ARID2: variants seen among roughly 807,000 people sequenced by gnomAD.
ARID2 encodes AT-rich interaction domain 2.
A neutral mutation model predicts 184.6 loss-of-function variants in ARID2; 32 were observed. The observed-to-expected ratio is 0.17, with a 90% CI of 0.13 to 0.23. The LOEUF is 0.23. Ranked by LOEUF, ARID2 falls within the 10% of genes least tolerant of loss-of-function variation. ARID2 has a pLI of 1.00. For missense variants in ARID2, 1,696 were observed against 2,197.6 expected, an observed-to-expected ratio of 0.77 and a Z score of 4.56; for synonymous variants, 836 against 772.6, an observed-to-expected ratio of 1.08 and a Z score of -1.36.
At chr12:45,869,528 A>G (rs988932525) in intron 16 of ARID2, among the ~76,000 whole-genome samples, 4 of 151,890 alleles carry the variant, frequency 2.6e-5, no homozygotes, top group African/African-American at 9.7e-5. Context: ...CTCAACTTCC[A>G]TTATATTTTT....
intron 16 of ARID2, among the ~76,000 whole-genome samples, chr12:45,862,363 TTTCC>T (rs1943764074): frequency 6.6e-6 from 1 of 152,200 alleles, no homozygotes; most frequent in Non-Finnish European, 1.5e-5. Flanking sequence ...TGAAGGATTA[TTTCC>T]TTCATTCATT....
chr12:45,863,846 CT>C (rs1473004229), intron 16 of ARID2, among the ~76,000 whole-genome samples: 19 of 87,466 alleles, frequency 2.2e-4, no homozygotes, highest in Admixed American at 7.1e-4. Flanking sequence ...TTTTCTTTCC[CT>C]TTTTTTTTTG....
At chr12:45,892,479 C>T (rs1944313237) in intron 18 of ARID2, among the ~76,000 whole-genome samples, 1 of 150,310 alleles carries the variant, frequency 6.7e-6, no homozygotes, top group Admixed American at 6.6e-5. Flanking sequence ...TTGTCATTAT[C>T]ATATATATAT....
At chr12:45,776,819 G>A (rs955392354) in intron 3 of ARID2, among the ~76,000 whole-genome samples, 5 of 149,224 alleles carry the variant, frequency 3.4e-5, no homozygotes, top group African/African-American at 2.5e-5. Flanking sequence ...GTCTTGCGGG[G>A]TCGTCCAGGC....
intron 16 of ARID2, among the ~76,000 whole-genome samples, chr12:45,871,292 T>G (rs897915304): frequency 3.3e-5 from 5 of 152,330 alleles, no homozygotes; most frequent in Middle Eastern, 3.4e-3. Context: ...CCATTTTTAA[T>G]TTGGTTGTTT....
intron 8 of ARID2, 52 bp downstream of exon 8, chr12:45,837,043 G>C (rs905091351): frequency 3.2e-6 from 5 of 1,569,926 alleles, no homozygotes; most frequent in Non-Finnish European, 4.3e-6. Context: ...CAACATTTAT[G>C]TTACAATTTT....
intron 4 of ARID2, among the ~76,000 whole-genome samples, chr12:45,812,345 T>C (rs534881802): frequency 2.0e-5 from 3 of 152,262 alleles, no homozygotes; most frequent in African/African-American, 7.2e-5. Flanking sequence ...TTATACTGTC[T>C]CATTTGTGGA....
intron 3 of ARID2, among the ~76,000 whole-genome samples, chr12:45,766,638 C>T (rs566625380): frequency 4.0e-5 from 6 of 150,612 alleles, no homozygotes; most frequent in Non-Finnish European, 7.4e-5. Flanking sequence ...CTCAGCCTCC[C>T]GAGTAGCTGG....
intron 3 of ARID2, chr12:45,755,852 C>G (rs559762591): frequency 5.9e-6 from 1 of 168,654 alleles, no homozygotes; most frequent in Admixed American, 6.5e-5. Flanking sequence ...ATGACAGAAA[C>G]AGGCTGAACA....
chr12:45,770,696 G>T (rs1941859848), intron 3 of ARID2, among the ~76,000 whole-genome samples: 1 of 152,162 alleles, frequency 6.6e-6, no homozygotes, highest in African/African-American at 2.4e-5. Flanking sequence ...AGGGGAGTGT[G>T]TGCTGATTGG....
At position 45,760,188 on chromosome 12, in the gene ARID2, T is replaced by C. The variant is rs572075655; in HGVS notation, c.284+28874T>C. ...CTCTCTTTTGGTTGTTGATTTTAAT[T>C]TATTGCTCTATACTTTGTGTACAGA... On this transcript the variant is annotated intron_variant, in intron 3 of 20. Transcript: ENST00000334344. Among the ~76,000 whole-genome samples, 9 of 152,314 alleles carry C rather than the reference T, an allele frequency of 5.9e-5. No homozygotes were observed. The South Asian group carries it at 1.9e-3, about 32-fold the overall frequency.
intron 16 of ARID2, among the ~76,000 whole-genome samples, chr12:45,879,291 G>GT (rs1410397468): frequency 1.3e-5 from 2 of 152,118 alleles, no homozygotes; most frequent in Non-Finnish European, 2.9e-5. Context: ...TGGTAAAGTC[G>GT]TTTTTCATGA....
chr12:45,861,804 T>A (rs1943754485), intron 16 of ARID2, among the ~76,000 whole-genome samples: 1 of 151,922 alleles, frequency 6.6e-6, no homozygotes, highest in Non-Finnish European at 1.5e-5. Flanking sequence ...ACTCCTGACC[T>A]CCAGTGATCC....
rs1406860683 is a variant in ARID2, at chr12:45,907,993, TG to T, written c.*2916del. 1 of 228,754 alleles carries T rather than the reference TG, an allele frequency of 4.4e-6. No homozygotes were observed. Among genetic ancestry groups the T allele is most frequent in the Non-Finnish European group, 8.7e-6 (1 of 115,296 alleles). The allele number at this position is 228,754 out of a possible 1,614,324, so 14.2% of individuals were successfully genotyped here. ...CATTACTTTATAGTCATGTCATGTA[TG>T]TTTTTTTAACCATGAAATGACAATA... On this transcript the variant is annotated 3_prime_UTR_variant, in exon 21 of 21. Transcript: ENST00000334344.
chr12:45,901,238 T>G (rs946898955), intron 20 of ARID2, among the ~76,000 whole-genome samples: 5 of 143,708 alleles, frequency 3.5e-5, no homozygotes, highest in African/African-American at 1.3e-4. Flanking sequence ...TGGCACGATC[T>G]TGGCTCACTG....
intron 3 of ARID2, among the ~76,000 whole-genome samples, chr12:45,783,552 T>A (rs1229604209): frequency 6.6e-6 from 1 of 152,174 alleles, no homozygotes; most frequent in Non-Finnish European, 1.5e-5. Flanking sequence ...GGCAGGGGGA[T>A]GGTTTCAGGA....
chr12:45,855,673 T>C (rs1044071927), intron 15 of ARID2, among the ~76,000 whole-genome samples: 3 of 152,204 alleles, frequency 2.0e-5, no homozygotes, highest in African/African-American at 7.2e-5. Flanking sequence ...GCATGCTAAT[T>C]AACAGAAAGC....
chr12:45,818,390 C>A (rs11183211), intron 5 of ARID2, among the ~76,000 whole-genome samples: 27,879 of 152,008 alleles, frequency 0.18, 3,407 homozygotes, highest in Non-Finnish European at 0.27. Context: ...CTGAAATTAC[C>A]TATTAAGGCT....
chr12:45,730,181 TC>T, intron 2 of ARID2, 44 bp downstream of exon 2: 1 of 1,595,798 alleles, frequency 6.3e-7, no homozygotes, highest in Non-Finnish European at 8.6e-7. Context: ...GCTGGCCTCC[TC>T]CAAAAAGTCT....
Sources: allele counts gnomAD v4.1 joint callset (sites outside exome capture counted in the v4.1 genomes callset), GRCh38; gene constraint gnomAD v4.1.1; transcripts MANE v1.5; gene names NCBI Gene and HGNC (gene_info 2026-07-23, HGNC 2026-07-21).